Variants in AADAT observed in about 807,000 individuals in gnomAD.
The protein encoded by AADAT is kynurenine/alpha-aminoadipate aminotransferase, mitochondrial.
AADAT carries 25 observed loss-of-function variants against 56.2 expected under a neutral mutation model. The ratio of observed to expected loss-of-function variants is 0.44; its 90% CI spans 0.32 to 0.62. The LOEUF is 0.62. Among genes scored for constraint, AADAT ranks in the 20% least tolerant of loss-of-function variants. AADAT has a pLI of 0.04. For synonymous variants in AADAT, 173 were observed against 164.7 expected (o/e 1.05, Z -0.39); for missense variants, 387 against 510.5 (o/e 0.76, Z 2.33).
intron 4 of AADAT, among the ~76,000 whole-genome samples, chr4:170,074,162 C>A (rs111912536): frequency 6.6e-6 from 1 of 152,050 alleles, no homozygotes; most frequent in African/African-American, 2.4e-5. Flanking sequence ...CTTCTTCTGA[C>A]GGAATTATCT....
chr4:170,065,077 G>T (rs1202370758), intron 10 of AADAT, among the ~76,000 whole-genome samples: 1 of 152,158 alleles, frequency 6.6e-6, no homozygotes, highest in Non-Finnish European at 1.5e-5. Context: ...GCTCGCGTGT[G>T]CGTATTTACA....
At chr4:170,089,318 C>G (rs1007958655) in intron 1 of AADAT, 1 of 567,236 alleles carries the variant, frequency 1.8e-6, no homozygotes, top group Admixed American at 2.5e-5. Flanking sequence ...CTCAGCTTCC[C>G]AGGAAGAGCC....
At chr4:170,085,478 T>A (rs1464931879) in intron 3 of AADAT, among the ~76,000 whole-genome samples, 1 of 152,148 alleles carries the variant, frequency 6.6e-6, no homozygotes, top group East Asian at 1.9e-4. Flanking sequence ...TTAAACCAGA[T>A]ACATATTAGT....
intron 12 of AADAT, 63 bp from the exon 13 acceptor site, chr4:170,061,032 A>T: frequency 8.3e-7 from 1 of 1,206,888 alleles, no homozygotes; most frequent in Non-Finnish European, 1.1e-6. Context: ...AAACTCTGTA[A>T]TAACTTTAAA....
upstream of AADAT, chr4:170,090,495 CTCGAAGA>C (rs1469729544): frequency 2.6e-5 from 4 of 152,214 alleles, no homozygotes; most frequent in Non-Finnish European, 5.9e-5. Context: ...ACATCACTTT[CTCGAAGA>C]TCTCAGCATT....
intron 1 of AADAT, among the ~76,000 whole-genome samples, chr4:170,088,947 G>T (rs1487438890): frequency 1.3e-5 from 2 of 152,222 alleles, no homozygotes; most frequent in Non-Finnish European, 2.9e-5. Context: ...TGGTGACACA[G>T]AAGCTGCTGG....
upstream of AADAT, among the ~76,000 whole-genome samples, chr4:170,092,540 C>T (rs1390085418): frequency 6.6e-6 from 1 of 152,198 alleles, no homozygotes; most frequent in Non-Finnish European, 1.5e-5. Flanking sequence ...CGGCTTCGTT[C>T]TTGATGTCAG....
upstream of AADAT, among the ~76,000 whole-genome samples, chr4:170,094,187 A>G (rs1409609714): frequency 6.6e-6 from 1 of 152,220 alleles, no homozygotes; most frequent in East Asian, 1.9e-4. Context: ...ATGCAGGGGC[A>G]CTGGGGGGTC....
chr4:170,068,403 A>G (rs1731587694), intron 8 of AADAT, among the ~76,000 whole-genome samples, 188 bp downstream of exon 8: 1 of 152,192 alleles, frequency 6.6e-6, no homozygotes, highest in Admixed American at 6.5e-5. Context: ...ATTCTCTTAA[A>G]TTAAGTTTAC....
chr4:170,089,599 G>A (rs1215019157), intron 1 of AADAT, 25 bp downstream of exon 1: 1 of 1,613,886 alleles, frequency 6.2e-7, no homozygotes, highest in Non-Finnish European at 8.5e-7. Flanking sequence ...CACCCCAAAG[G>A]AGAGATGGTC....
intron 7 of AADAT, 108 bp from the exon 8 acceptor site, chr4:170,068,795 C>G: frequency 1.4e-6 from 1 of 690,222 alleles, no homozygotes; most frequent in East Asian, 2.8e-5. Flanking sequence ...ACAAAAGGAT[C>G]TAGATAATTA....
In AADAT at chr4:170,067,404, T is replaced by C. The variant is rs1296607380; in HGVS notation, c.901-16A>G. The C allele has an allele frequency of 6.2e-7, 1 of 1,606,596 alleles. No homozygotes were observed. Among genetic ancestry groups the C allele is most frequent in the Non-Finnish European group, 8.5e-7 (1 of 1,175,520 alleles). On this transcript the variant is annotated splice_polypyrimidine_tract_variant and intron_variant, in intron 8 of 12. Coordinates refer to ENST00000337664, the MANE Select transcript of AADAT (RefSeq NM_016228.4). Reference sequence around the variant, plus strand: ...ATATCATGAGCTAAAAGAGATAAAATCATAAATACCATGTTTCATCCCCTG... The same window carrying C: ...ATATCATGAGCTAAAAGAGATAAAACCATAAATACCATGTTTCATCCCCTG...
chr4:170,087,067 T>A, intron 3 of AADAT, 49 bp downstream of exon 3: 1 of 1,608,528 alleles, frequency 6.2e-7, no homozygotes, highest in Non-Finnish European at 8.5e-7. Context: ...ACTATAGAAA[T>A]GAATGCTTCC....
At chr4:170,091,393 T>G (rs1048674118), upstream of AADAT, among the ~76,000 whole-genome samples, 1 of 152,052 alleles carries the variant, frequency 6.6e-6, no homozygotes, top group African/African-American at 2.4e-5. Flanking sequence ...GCGGAGGGTG[T>G]GCCCAGTCTC....
chr4:170,068,750 C>G, intron 7 of AADAT, 63 bp from the exon 8 acceptor site: 4 of 1,086,658 alleles, frequency 3.7e-6, no homozygotes, highest in Non-Finnish European at 5.3e-6. Context: ...ATATCACTTT[C>G]CTGATTTCAT....
In AADAT at chr4:170,064,673, T is replaced by C. The variant is rs373105665; in HGVS notation, c.1134+46A>G. 2.8e-4 allele frequency: 405 copies of C among 1,453,472 alleles called. 3 individuals carry two copies. The highest frequency in any genetic ancestry group is 1.4e-3 in the Middle Eastern group (8 of 5,598). The allele number at this position is 1,453,472 out of a possible 1,614,324, so 90.0% of individuals were successfully genotyped here. A position where few individuals can be genotyped will look rare whatever the true frequency, so the allele number is the denominator to read the frequency against. ...TTCAAGCAAAATATTAAAGAAAAAG[T>C]ATAACTTTTCCTTAGGTTTCCCAGC... On this transcript the variant is annotated intron_variant, in intron 11 of 12. Coordinates refer to ENST00000337664, the MANE Select transcript of AADAT (RefSeq NM_016228.4).
At chr4:170,069,477 C>T (rs2111161175) in intron 6 of AADAT, among the ~76,000 whole-genome samples, 1 of 152,242 alleles carries the variant, frequency 6.6e-6, no homozygotes, top group South Asian at 2.1e-4. Context: ...GCTCCAGATG[C>T]CATTATTATG....
rs1166906487 is a variant in AADAT, at chr4:170,077,639, T to C, written c.444+870A>G. ...ATTTGTGTTAGGTGGCAGTCAAGAGTGACTGAGCACCTACAGTGATGGGCA... is the reference window on the plus strand; with the variant it reads ...ATTTGTGTTAGGTGGCAGTCAAGAGCGACTGAGCACCTACAGTGATGGGCA... On this transcript the variant is annotated intron_variant, in intron 4 of 12. Coordinates refer to ENST00000337664, the MANE Select transcript of AADAT (RefSeq NM_016228.4). 1.9e-4 allele frequency among the ~76,000 whole-genome samples: 29 copies of C among 152,140 alleles called. 1 individual carries two copies. The highest frequency in any genetic ancestry group is 1.5e-5 in the Non-Finnish European group (1 of 68,020).
chr4:170,072,098 C>A (rs529217598), intron 5 of AADAT, among the ~76,000 whole-genome samples: 1 of 151,918 alleles, frequency 6.6e-6, no homozygotes, highest in South Asian at 2.1e-4. Context: ...TGCCGGTCAT[C>A]GTGTACGTAA....
Sources: allele counts gnomAD v4.1 joint callset (sites outside exome capture counted in the v4.1 genomes callset), GRCh38; gene constraint gnomAD v4.1.1; transcripts MANE v1.5; gene names NCBI Gene and HGNC (gene_info 2026-07-23, HGNC 2026-07-21).